Variants in DAPP1 observed in about 807,000 individuals in gnomAD.
DAPP1 encodes dual adaptor of phosphotyrosine and 3-phosphoinositides 1.
In DAPP1, 20 loss-of-function variants were observed where a neutral mutation model predicts 41.5. The ratio of observed to expected loss-of-function variants is 0.48; its 90% CI spans 0.34 to 0.70. The LOEUF is 0.70. Among genes scored for constraint, DAPP1 ranks in the 30% least tolerant of loss-of-function variants. DAPP1 has a pLI of 0.01. For synonymous variants in DAPP1, 113 were observed against 116.2 expected (o/e 0.97, Z 0.18); for missense variants, 233 against 333.4 (o/e 0.70, Z 2.35).
intron 3 of DAPP1, among the ~76,000 whole-genome samples, chr4:99,851,264 T>G (rs965518027): frequency 2.6e-5 from 4 of 152,216 alleles, no homozygotes; most frequent in Non-Finnish European, 2.9e-5. Flanking sequence ...GAGCACAATG[T>G]GCAAGAATGG....
intron 7 of DAPP1, 59 bp from the exon 8 acceptor site, chr4:99,865,975 T>TATAATATATA (rs1724442318): frequency 5.8e-6 from 1 of 171,990 alleles, no homozygotes; most frequent in Admixed American, 7.9e-5. Flanking sequence ...ATTATATATA[T>TATAATATATA]ATATATATAT....
chr4:99,828,922 A>G (rs1723031605), intron 1 of DAPP1, among the ~76,000 whole-genome samples: 1 of 152,172 alleles, frequency 6.6e-6, no homozygotes, highest in African/African-American at 2.4e-5. Flanking sequence ...GGGAAAATGG[A>G]GACTATTAAC....
Position 99,853,356 on chromosome 4 carries a change from A to C in DAPP1, c.489+8A>C. ...GTGCCCACAGCACCTTCTGTAAGTG[A>C]CCTTCAACGTGACCACAAGCTCTCT... On this transcript the variant is annotated splice_region_variant and intron_variant, in intron 4 of 8. Coordinates refer to ENST00000512369, the MANE Select transcript of DAPP1 (RefSeq NM_014395.3). 1 of 1,603,142 alleles carries C rather than the reference A, an allele frequency of 6.2e-7. No homozygotes were observed.
In DAPP1 at chr4:99,840,400, G is replaced by A. The variant is rs369542525; in HGVS notation, c.336G>A (p.Gln112=). The change falls in exon 3 of 9, where the codon CAG becomes CAA. Residue 112 remains glutamine (Q), a synonymous_variant. Coordinates refer to ENST00000512369, the MANE Select transcript of DAPP1 (RefSeq NM_014395.3). ...LKDFVKHFAN[Q]PLIGSETGTL... is the part of the protein sequence containing the mutation. The stretch of plus-strand genomic sequence containing the variant: ...ATTTTGTCAAGCATTTTGCAAATCA[G>A]CCTTTGATTGGAAGCGAGACAGGTA... 1.2e-4 allele frequency: 192 copies of A among 1,611,432 alleles called. No individual in the cohort carries two copies. In the African/African-American group the frequency reaches 2.3e-3, roughly 19 times the overall value.
chr4:99,853,330 T>G lies in DAPP1; in HGVS notation c.471T>G (p.Leu157=), dbSNP rs1253048762. The change falls in exon 4 of 9, where the codon CTT becomes CTG. Residue 157 remains leucine (L), a synonymous_variant. Coordinates refer to ENST00000512369, the MANE Select transcript of DAPP1 (RefSeq NM_014395.3). The stretch of plus-strand genomic sequence containing the variant: ...AGACAGGAAGAACAGAAGATGACCT[T>G]GTGCCCACAGCACCTTCTGTAAGTG... ...AMQTGRTEDD[L]VPTAPSLGTK... is the part of the protein sequence containing the mutation. 1.2e-6 allele frequency: 2 copies of G among 1,610,064 alleles called. No individual in the cohort carries two copies. Among genetic ancestry groups the G allele is most frequent in the Admixed American group, 1.7e-5 (1 of 59,372 alleles).
At chr4:99,831,331 C>T (rs1431158192) in intron 1 of DAPP1, among the ~76,000 whole-genome samples, 1 of 152,130 alleles carries the variant, frequency 6.6e-6, no homozygotes, top group Non-Finnish European at 1.5e-5. Context: ...ATTCTTGGTT[C>T]TTCAAGACTG....
intron 3 of DAPP1, among the ~76,000 whole-genome samples, chr4:99,851,309 T>C (rs1420555851): frequency 1.3e-5 from 2 of 152,126 alleles, no homozygotes. Flanking sequence ...TGTTTTTCAT[T>C]GTGATCCCAA....
rs970835743 is a variant in DAPP1 at position 99,869,295 on chromosome 4, A to G, written c.*1110A>G. ...TTTTCAAACTAGAATAAGGAGGCAA[A>G]TAGAAGAATGAGATACTGATGTCCA... On this transcript the variant is annotated 3_prime_UTR_variant, in exon 9 of 9. Coordinates refer to ENST00000512369, the MANE Select transcript of DAPP1 (RefSeq NM_014395.3). 1 of 152,218 alleles carries G rather than the reference A, an allele frequency of 6.6e-6. No individual in the cohort carries two copies. The highest frequency in any genetic ancestry group is 1.9e-4 in the East Asian group (1 of 5,200). The allele number at this position is 152,218 out of a possible 1,614,324, so 9.4% of individuals were successfully genotyped here.
At chr4:99,851,278 G>A (rs911396571) in intron 3 of DAPP1, among the ~76,000 whole-genome samples, 4 of 152,144 alleles carry the variant, frequency 2.6e-5, no homozygotes, top group Non-Finnish European at 2.9e-5. Context: ...AGAATGGGAC[G>A]GTTCTGATAA....
chr4:99,866,823 G>C (rs1724480318), intron 8 of DAPP1, among the ~76,000 whole-genome samples: 1 of 143,382 alleles, frequency 7.0e-6, no homozygotes, highest in Admixed American at 7.2e-5. Flanking sequence ...AGGCTGGAGT[G>C]CAGTGGTGTG....
At chr4:99,847,733 G>A (rs1291029326) in intron 3 of DAPP1, among the ~76,000 whole-genome samples, 8 of 152,130 alleles carry the variant, frequency 5.3e-5, no homozygotes, top group Non-Finnish European at 8.8e-5. Context: ...CTTTCTTCCC[G>A]AGCTGAGGCA....
intron 1 of DAPP1, 125 bp from the exon 2 acceptor site, chr4:99,835,498 G>C: frequency 7.2e-7 from 1 of 1,387,710 alleles, no homozygotes; most frequent in Non-Finnish European, 9.8e-7. Context: ...TTGGGGCTGA[G>C]AGCTGGGTCT....
rs1489877295 is a variant in DAPP1 at position 99,863,841 on chromosome 4, G to T, written c.672G>T (p.Arg224Ser). The change falls in exon 7 of 9, where the codon AGG becomes AGT. Residue 224 changes from arginine to serine, a missense_variant. Transcript: ENST00000512369. ...SAVQFDYSQERVNCFCLVFPF... is the reference protein window; with the variant it reads ...SAVQFDYSQESVNCFCLVFPF... ...TACAATTCGATTATTCACAAGAAAG[G>T]GTAAACTGTTTTTGGTAAGTTGTTT... is the stretch of plus-strand genomic sequence containing the variant. The T allele has an allele frequency of 1.3e-6, 2 of 1,592,340 alleles. No individual in the cohort carries two copies. Among genetic ancestry groups the T allele is most frequent in the East Asian group, 2.3e-5 (1 of 44,356 alleles).
intron 6 of DAPP1, 46 bp from the exon 7 acceptor site, chr4:99,863,724 T>TG: frequency 8.1e-7 from 1 of 1,239,986 alleles, no homozygotes; most frequent in East Asian, 2.5e-5. Context: ...GTCTGTTTTT[T>TG]TTTTTTTTTT....
At chr4:99,817,096 C>A in intron 1 of DAPP1, 82 bp downstream of exon 1, 2 of 1,063,018 alleles carry the variant, frequency 1.9e-6, no homozygotes, top group Non-Finnish European at 2.8e-6. Flanking sequence ...TGATTAATGA[C>A]TATCTTCAGT....
intron 1 of DAPP1, among the ~76,000 whole-genome samples, chr4:99,826,847 C>T (rs1722953662): frequency 6.6e-6 from 1 of 152,202 alleles, no homozygotes; most frequent in Admixed American, 6.5e-5. Flanking sequence ...CTGATCATTC[C>T]AGCCCACTGT....
chr4:99,838,701 G>C (rs765953165), intron 2 of DAPP1, among the ~76,000 whole-genome samples: 1 of 152,196 alleles, frequency 6.6e-6, no homozygotes, highest in African/African-American at 2.4e-5. Context: ...TGTGCGGCCT[G>C]GTTCCTAACA....
chr4:99,861,527 A>C, intron 4 of DAPP1, 51 bp from the exon 5 acceptor site: 1 of 1,525,998 alleles, frequency 6.6e-7, no homozygotes, highest in Non-Finnish European at 8.9e-7. Context: ...AGGAAGGACA[A>C]ACGTCCTGTT....
At chr4:99,825,125 T>G (rs1366314065) in intron 1 of DAPP1, among the ~76,000 whole-genome samples, 1 of 152,226 alleles carries the variant, frequency 6.6e-6, no homozygotes, top group Admixed American at 6.5e-5. Context: ...TGGGTCTGCA[T>G]GTGCATTCCC....
Sources: gnomAD v4.1 joint callset for allele counts (sites outside exome capture counted in the v4.1 genomes callset) on GRCh38, gnomAD v4.1.1 for gene constraint, MANE v1.5 for transcripts, NCBI Gene and HGNC (gene_info 2026-07-23, HGNC 2026-07-21) for gene names.